Variants in PLXDC1 observed in about 807,000 individuals in gnomAD.
PLXDC1 encodes the protein plexin domain containing 1, also known as plexin domain-containing protein 1.
A neutral mutation model predicts 61.3 loss-of-function variants in PLXDC1; 39 were observed. The observed-to-expected ratio is 0.64, with a 90% CI of 0.49 to 0.83. The LOEUF is 0.83. PLXDC1 is among the 40% of genes least tolerant of loss of function. The pLI is 0.00. For synonymous variants in PLXDC1, 212 were observed against 254.5 expected, an observed-to-expected ratio of 0.83 and a Z score of 1.59; for missense variants, 596 against 666.5, an observed-to-expected ratio of 0.89 and a Z score of 1.17.
chr17:39,098,869 C>T (rs1910319816), intron 7 of PLXDC1, among the ~76,000 whole-genome samples: 2 of 152,104 alleles, frequency 1.3e-5, no homozygotes, highest in Admixed American at 6.5e-5. Flanking sequence ...AGGCAGAGGG[C>T]GGTGAGCGGA....
In PLXDC1 at chr17:39,090,595, G is replaced by A. The variant is rs1172596540; in HGVS notation, c.812-2893C>T. ...TGACCTTGGACAAGGGACTCAGTGAGCCGCATCCACACATGGGGCTGGTGA... is the reference window on the plus strand; with the variant it reads ...TGACCTTGGACAAGGGACTCAGTGAACCGCATCCACACATGGGGCTGGTGA... On this transcript the variant is annotated intron_variant, in intron 7 of 13. Transcript: ENST00000315392. 2.6e-5 allele frequency among the ~76,000 whole-genome samples: 4 copies of A among 152,202 alleles called. No homozygotes were observed. The East Asian group carries it at 7.7e-4, about 29-fold the overall frequency.
At chr17:39,134,713 A>G (rs1395524216) in intron 2 of PLXDC1, among the ~76,000 whole-genome samples, 2 of 152,198 alleles carry the variant, frequency 1.3e-5, no homozygotes, top group African/African-American at 4.8e-5. Context: ...GTACCAGGCT[A>G]AATACCCCAA....
At chr17:39,101,835 A>G (rs924231896) in intron 7 of PLXDC1, among the ~76,000 whole-genome samples, 17 of 152,062 alleles carry the variant, frequency 1.1e-4, no homozygotes, top group Non-Finnish European at 1.8e-4. Context: ...ATCTCCCTCG[A>G]TATCATGCAG....
At chr17:39,074,946 C>G (rs74387067) in intron 11 of PLXDC1, among the ~76,000 whole-genome samples, 1 of 151,952 alleles carries the variant, frequency 6.6e-6, no homozygotes, top group Non-Finnish European at 1.5e-5. Context: ...TTTTCTTTTC[C>G]TTTTTCTTTC....
chr17:39,135,773 AAACAAC>A (rs374132487), intron 2 of PLXDC1, among the ~76,000 whole-genome samples: 75 of 151,998 alleles, frequency 4.9e-4, no homozygotes, highest in Non-Finnish European at 2.9e-4. Flanking sequence ...GGGGAACTTG[AAACAAC>A]AACAACAACA....
chr17:39,098,876 C>T (rs886335726), intron 7 of PLXDC1, among the ~76,000 whole-genome samples: 24 of 152,208 alleles, frequency 1.6e-4, no homozygotes, highest in African/African-American at 4.6e-4. Context: ...GGGCGGTGAG[C>T]GGAGGGAGGG....
chr17:39,148,761 A>C (rs1479620041), intron 1 of PLXDC1, among the ~76,000 whole-genome samples: 1 of 152,016 alleles, frequency 6.6e-6, no homozygotes, highest in Non-Finnish European at 1.5e-5. Flanking sequence ...ATGGGGTCTC[A>C]CTATTTTGCC....
At chr17:39,140,431 G>T (rs564482213) in intron 1 of PLXDC1, among the ~76,000 whole-genome samples, 137 of 152,200 alleles carry the variant, frequency 9.0e-4, no homozygotes, top group African/African-American at 3.0e-3. Flanking sequence ...TCAGCCTCCC[G>T]AGTAGCTGGG....
At chr17:39,082,245 C>G (rs1258987260) in intron 9 of PLXDC1, among the ~76,000 whole-genome samples, 2 of 152,148 alleles carry the variant, frequency 1.3e-5, no homozygotes, top group Non-Finnish European at 1.5e-5. Flanking sequence ...CTCTTAGACT[C>G]CAGAGTGGGC....
intron 2 of PLXDC1, among the ~76,000 whole-genome samples, chr17:39,124,135 A>AATT (rs572785575): frequency 1.3e-5 from 2 of 152,134 alleles, no homozygotes; most frequent in Non-Finnish European, 2.9e-5. Flanking sequence ...GCCCGTTAGA[A>AATT]ATTCAGATTA....
chr17:39,133,764 G>A (rs896563791), intron 2 of PLXDC1, among the ~76,000 whole-genome samples: 1 of 152,096 alleles, frequency 6.6e-6, no homozygotes, highest in Non-Finnish European at 1.5e-5. Flanking sequence ...GACTACAGGC[G>A]TGCACCACCA....
chr17:39,105,800 T>C (rs1910569764), intron 7 of PLXDC1, 54 bp downstream of exon 7: 1 of 1,141,036 alleles, frequency 8.8e-7, no homozygotes, highest in East Asian at 2.4e-5. Context: ...TCAGGTTCAG[T>C]CTGAGCGGAG....
intron 7 of PLXDC1, among the ~76,000 whole-genome samples, chr17:39,099,184 G>A (rs1355537916): frequency 6.6e-6 from 1 of 151,988 alleles, no homozygotes; most frequent in East Asian, 1.9e-4. Context: ...TGATCCTGCA[G>A]AGCAGACATA....
intron 2 of PLXDC1, among the ~76,000 whole-genome samples, chr17:39,126,231 GT>G (rs1911307538): frequency 6.6e-6 from 1 of 152,084 alleles, no homozygotes; most frequent in Non-Finnish European, 1.5e-5. Flanking sequence ...TCCAGCCTGG[GT>G]GACAAGAGTG....
rs1231116667 is a variant in PLXDC1, at chr17:39,108,972, C to T, written c.401G>A (p.Arg134Lys). The change falls in exon 4 of 14, where the codon AGA (arginine) becomes AAA (lysine). Residue 134 changes from arginine (R) to lysine (K), a missense_variant and splice_region_variant. By Grantham distance (26) the Arg-to-Lys change is conservative (BLOSUM62 2). Transcript: ENST00000315392. ...AGGGAAATCAAAGGACAAGACCACTCTCTGCAGGGGATGGGAGAAAGTCAG... is the reference window on the plus strand; with the variant it reads ...AGGGAAATCAAAGGACAAGACCACTTTCTGCAGGGGATGGGAGAAAGTCAG... The part of the protein sequence containing the change: ...ILSNTHRQAS[R>K]VVLSFDFPFY... The T allele has an allele frequency of 6.2e-7, 1 of 1,611,704 alleles. No individual in the cohort carries two copies. Among genetic ancestry groups the T allele is most frequent in the African/African-American group, 1.3e-5 (1 of 75,018 alleles).
rs79258325 is a variant in PLXDC1 at position 39,067,849 on chromosome 17, C to T, written c.1494G>A (p.Glu498=). 3.1e-3 allele frequency: 5,004 copies of T among 1,613,942 alleles called. 205 individuals are homozygous for T. The East Asian group carries it at 0.082, about 26-fold the overall frequency. ...GGGAGACTTGGTGTTCTCAGCACTG[C>T]TCAGCCTCCATGAAGCCCTCCTTCT... The part of the protein sequence containing the change: ...GHEKEGFMEA[E]QC The change falls in exon 14 of 14, where the codon GAG becomes GAA. Residue 498 remains glutamate (E), a synonymous_variant. Transcript: ENST00000315392.
At chr17:39,078,083 A>G (rs772822163) in intron 10 of PLXDC1, 35 bp from the exon 11 acceptor site, 3 of 1,527,256 alleles carry the variant, frequency 2.0e-6, no homozygotes, top group Non-Finnish European at 2.6e-6. Context: ...TCTTGAATGC[A>G]TTTACACCTT....
At chr17:39,135,197 T>C (rs1354151790) in intron 2 of PLXDC1, among the ~76,000 whole-genome samples, 1 of 152,222 alleles carries the variant, frequency 6.6e-6, no homozygotes, top group African/African-American at 2.4e-5. Flanking sequence ...TCCTCCTGTC[T>C]TTAGGCAGAG....
At chr17:39,149,234 G>GC (rs1282093012) in intron 1 of PLXDC1, among the ~76,000 whole-genome samples, 1 of 151,942 alleles carries the variant, frequency 6.6e-6, no homozygotes, top group African/African-American at 2.4e-5. Flanking sequence ...ACTTCCCAAG[G>GC]CCCCCCACCA....
Sources: allele counts gnomAD v4.1 joint callset (sites outside exome capture counted in the v4.1 genomes callset), GRCh38; gene constraint gnomAD v4.1.1; transcripts MANE v1.5; gene names NCBI Gene and HGNC (gene_info 2026-07-23, HGNC 2026-07-21).